Variants in TLCD4 observed in about 807,000 individuals in gnomAD.
TLCD4 encodes TLC domain-containing protein 4.
Under a neutral mutation model 24.2 loss-of-function variants are expected in TLCD4, and 7 were observed. The ratio of observed to expected loss-of-function variants is 0.29; its 90% CI spans 0.16 to 0.54. The LOEUF (loss-of-function observed/expected upper bound fraction) is 0.54. TLCD4 is among the 20% of genes least tolerant of loss of function. TLCD4 has a pLI of 0.95. For synonymous variants in TLCD4, 103 were observed against 106.4 expected, an observed-to-expected ratio of 0.97 and a Z score of 0.20; for missense variants, 259 against 313.9, an observed-to-expected ratio of 0.82 and a Z score of 1.32.
chr1:95,129,175 C>T (rs781088977), intron 1 of TLCD4, among the ~76,000 whole-genome samples: 3 of 152,152 alleles, frequency 2.0e-5, no homozygotes, highest in Admixed American at 1.3e-4. Context: ...ATAATCAAAA[C>T]AATCTGTAAT....
At chr1:95,173,975 A>T (rs1678327091) in intron 6 of TLCD4, 86 bp downstream of exon 6, 21 of 1,556,904 alleles carry the variant, frequency 1.3e-5, no homozygotes, top group Non-Finnish European at 1.8e-5. Flanking sequence ...TCCTCAAGTT[A>T]CTATATAAAA....
intron 4 of TLCD4, 85 bp from the exon 5 acceptor site, chr1:95,151,240 T>C (rs1677483251): frequency 5.9e-6 from 8 of 1,349,366 alleles, no homozygotes; most frequent in South Asian, 1.2e-5. Flanking sequence ...CAGTGATGAG[T>C]TGGCAGGAGA....
At chr1:95,187,487 G>C (rs1354957906) in intron 6 of TLCD4, among the ~76,000 whole-genome samples, 1 of 151,986 alleles carries the variant, frequency 6.6e-6, no homozygotes, top group South Asian at 2.1e-4. Context: ...CCCTCAATTT[G>C]GGTTTGTCTG....
At chr1:95,137,789 C>T (rs1462345352) in intron 1 of TLCD4, among the ~76,000 whole-genome samples, 1 of 151,430 alleles carries the variant, frequency 6.6e-6, no homozygotes, top group Non-Finnish European at 1.5e-5. Context: ...GGCCTGAGTG[C>T]CCTGGTACAC....
intron 1 of TLCD4, among the ~76,000 whole-genome samples, chr1:95,119,906 A>C (rs1676524081): frequency 6.6e-6 from 1 of 150,774 alleles, no homozygotes; most frequent in African/African-American, 2.4e-5. Context: ...GGCTGAGAAG[A>C]GTAAACTGAA....
chr1:95,095,689 G>T, the TLCD4 span, among the ~76,000 whole-genome samples: 1 of 152,128 alleles, frequency 6.6e-6, no homozygotes, highest in Non-Finnish European at 1.5e-5. Flanking sequence ...GAGCCACCGC[G>T]CCGGCACCTC....
At chr1:95,099,903 A>C in the TLCD4 span, among the ~76,000 whole-genome samples, 1 of 151,568 alleles carries the variant, frequency 6.6e-6, no homozygotes, top group Non-Finnish European at 1.5e-5. Context: ...AGGCTGAGGC[A>C]GGCAAATCAC....
the TLCD4 span, among the ~76,000 whole-genome samples, chr1:95,101,141 T>C: frequency 6.6e-6 from 1 of 151,996 alleles, no homozygotes; most frequent in South Asian, 2.1e-4. Flanking sequence ...ACTTCTGACC[T>C]CGTGATCCAC....
intron 1 of TLCD4, among the ~76,000 whole-genome samples, chr1:95,131,462 C>T (rs1468279630): frequency 6.6e-6 from 1 of 152,134 alleles, no homozygotes; most frequent in African/African-American, 2.4e-5. Context: ...AAGATGGAGT[C>T]CTCGTAAGAG....
intron 5 of TLCD4, among the ~76,000 whole-genome samples, chr1:95,159,456 G>A (rs992157237): frequency 6.6e-6 from 1 of 152,146 alleles, no homozygotes; most frequent in Non-Finnish European, 1.5e-5. Context: ...CATTCTGTAG[G>A]TTGCATGTTC....
intron 2 of TLCD4, 57 bp from the exon 3 acceptor site, chr1:95,148,645 G>A (rs2100943770): frequency 6.2e-7 from 1 of 1,606,388 alleles, no homozygotes. Context: ...GTCTTGTCAG[G>A]ATTAAATTTT....
At chr1:95,143,081 G>T (rs917505602) in intron 1 of TLCD4, among the ~76,000 whole-genome samples, 1 of 151,986 alleles carries the variant, frequency 6.6e-6, no homozygotes, top group African/African-American at 2.4e-5. Context: ...AAGTTATAAA[G>T]TTATACTCCT....
chr1:95,120,808 TATTTCTATTGA>T (rs1324941396), intron 1 of TLCD4, among the ~76,000 whole-genome samples: 1 of 152,226 alleles, frequency 6.6e-6, no homozygotes, highest in African/African-American at 2.4e-5. Flanking sequence ...AACTAGTTTC[TATTTCTATTGA>T]ATTTCTGTTT....
intron 3 of TLCD4, among the ~76,000 whole-genome samples, chr1:95,149,699 C>T (rs796640604): frequency 8.5e-5 from 13 of 152,158 alleles, no homozygotes; most frequent in African/African-American, 2.9e-4. Context: ...ATTTTACTAA[C>T]GTGACCATCA....
chr1:95,192,044 C>T lies in TLCD4; in HGVS notation c.*176C>T, dbSNP rs2101029974. On this transcript the variant is annotated 3_prime_UTR_variant, in exon 7 of 7. Coordinates refer to ENST00000370203, the MANE Select transcript of TLCD4 (RefSeq NM_152487.3). The stretch of plus-strand genomic sequence containing the variant: ...GGGCACGGTGGCTCATGCCTGTAAT[C>T]CCAGCACTTTGGGAGGCCAAGGTGG... The T allele has an allele frequency of 1.4e-6, 2 of 1,403,284 alleles. No homozygotes were observed. The highest frequency in any genetic ancestry group is 2.7e-5 in the East Asian group (1 of 37,624). 86.9% of individuals were successfully genotyped at this position (1,403,284 alleles called of 1,614,324 possible). A position where few individuals can be genotyped will look rare whatever the true frequency, so the allele number is the denominator to read the frequency against.
Position 95,176,198 on chromosome 1 carries a change from CT to C in TLCD4, c.473+2322del, listed in dbSNP as rs71097253. 4.3e-3 allele frequency among the ~76,000 whole-genome samples: 603 copies of C among 141,700 alleles called. 1 individual carries two copies. Among genetic ancestry groups the C allele is most frequent in the Non-Finnish European group, 4.8e-3 (310 of 64,788 alleles). The allele number at this position is 141,700 out of a possible 152,430, so 93.0% of individuals were successfully genotyped here. A position where few individuals can be genotyped will look rare whatever the true frequency, so the allele number is the denominator to read the frequency against. On this transcript the variant is annotated intron_variant, in intron 6 of 6. Transcript: ENST00000370203. ...GTTCAAGTTCTTTGCCAATTTTTTC[CT>C]TTTTTTTTTTTTGATGCAGTTTTGC...
upstream of TLCD4, among the ~76,000 whole-genome samples, chr1:95,115,314 G>T (rs1676409431): frequency 6.6e-6 from 1 of 152,006 alleles, no homozygotes; most frequent in Admixed American, 6.6e-5. Flanking sequence ...CTCCATGTTG[G>T]TCAGGCTGGT....
chr1:95,094,528 A>C, the TLCD4 span, among the ~76,000 whole-genome samples: 1 of 152,172 alleles, frequency 6.6e-6, no homozygotes, highest in African/African-American at 2.4e-5. Flanking sequence ...ATAATTATTG[A>C]TAATTTTTAA....
upstream of TLCD4, among the ~76,000 whole-genome samples, chr1:95,114,003 C>T (rs1557673386): frequency 6.6e-6 from 1 of 152,014 alleles, no homozygotes; most frequent in Non-Finnish European, 1.5e-5. Context: ...CTGGTAATAT[C>T]TTGAAATAGT....
Sources: gnomAD v4.1 joint callset for allele counts (sites outside exome capture counted in the v4.1 genomes callset) on GRCh38, gnomAD v4.1.1 for gene constraint, MANE v1.5 for transcripts, NCBI Gene and HGNC (gene_info 2026-07-23, HGNC 2026-07-21) for gene names.